The following MYRIP variants were observed in gnomAD, a reference collection of about 807,000 sequenced individuals.
MYRIP encodes rab effector MyRIP.
A neutral mutation model predicts 98.0 loss-of-function variants in MYRIP; 49 were observed. The ratio of observed to expected loss-of-function variants is 0.50; its 90% CI spans 0.40 to 0.63. The LOEUF (loss-of-function observed/expected upper bound fraction) is 0.63, where lower values mean the gene tolerates loss of function less well. Ranked by LOEUF, MYRIP falls within the 30% of genes least tolerant of loss-of-function variation. MYRIP has a pLI of 0.00. For missense variants in MYRIP, 1,004 were observed against 1,058.2 expected (o/e 0.95, Z 0.71); for synonymous variants, 404 against 409.5 (o/e 0.99, Z 0.16).
intron 3 of MYRIP, among the ~76,000 whole-genome samples, chr3:40,126,785 C>T (rs1193894601): frequency 6.6e-6 from 1 of 152,114 alleles, no homozygotes; most frequent in Non-Finnish European, 1.5e-5. Flanking sequence ...AATAATAATT[C>T]CTAAGAGTTG....
intron 3 of MYRIP, among the ~76,000 whole-genome samples, chr3:40,142,187 G>A (rs1221238243): frequency 6.6e-6 from 1 of 151,132 alleles, no homozygotes; most frequent in Non-Finnish European, 1.5e-5. Context: ...CAAGTAGCTA[G>A]GATTAAGGCG....
At chr3:40,200,955 C>T (rs1229752916) in intron 10 of MYRIP, among the ~76,000 whole-genome samples, 2 of 152,166 alleles carry the variant, frequency 1.3e-5, no homozygotes, top group East Asian at 1.9e-4. Flanking sequence ...GAAAGTGAAA[C>T]CCACTGTTAG....
chr3:40,034,182 A>G (rs1192828444), intron 2 of MYRIP, among the ~76,000 whole-genome samples: 1 of 151,796 alleles, frequency 6.6e-6, no homozygotes, highest in Non-Finnish European at 1.5e-5. Context: ...CATGTCTAAA[A>G]CACCAAAAGC....
At chr3:39,900,003 T>C (rs1465755784) in intron 1 of MYRIP, among the ~76,000 whole-genome samples, 1 of 152,158 alleles carries the variant, frequency 6.6e-6, no homozygotes, top group African/African-American at 2.4e-5. Context: ...GGATCTGTAG[T>C]AGAGACAGGG....
chr3:39,842,204 T>C (rs904007820), intron 1 of MYRIP, among the ~76,000 whole-genome samples: 15 of 152,180 alleles, frequency 9.9e-5, no homozygotes, highest in Admixed American at 7.2e-4. Context: ...GGCTTTGCTA[T>C]GCTGTGGTGG....
At chr3:39,935,939 GA>G (rs1270286145) in intron 2 of MYRIP, among the ~76,000 whole-genome samples, 1 of 148,280 alleles carries the variant, frequency 6.7e-6, no homozygotes, top group Admixed American at 6.6e-5. Context: ...CAAATCTTAT[GA>G]ATGACGTTTT....
At chr3:40,193,844 T>C (rs918816418) in intron 10 of MYRIP, among the ~76,000 whole-genome samples, 1 of 152,092 alleles carries the variant, frequency 6.6e-6, no homozygotes, top group Non-Finnish European at 1.5e-5. Flanking sequence ...TACACTTTTC[T>C]TCTTTCATCC....
At chr3:40,176,971 A>G (rs1314950921) in intron 8 of MYRIP, among the ~76,000 whole-genome samples, 2 of 151,414 alleles carry the variant, frequency 1.3e-5, no homozygotes, top group Admixed American at 1.3e-4. Flanking sequence ...ATGCCTGGGG[A>G]AAATGAAGTG....
At position 39,975,362 on chromosome 3, in the gene MYRIP, GGA is replaced by G. The variant is rs1459093977; in HGVS notation, c.111-68685_111-68684del. ...CAAGGGACGTGAAGGACCTCTTCAA[GGA>G]GAACTACAAACCACTGCTCAAGGAA... On this transcript the variant is annotated intron_variant, in intron 2 of 16. Coordinates refer to ENST00000302541, the MANE Select transcript of MYRIP (RefSeq NM_015460.4). 1.2e-4 allele frequency among the ~76,000 whole-genome samples: 19 copies of G among 152,030 alleles called. No individual in the cohort carries two copies. In the East Asian group the frequency reaches 2.9e-3, roughly 23 times the overall value.
intron 16 of MYRIP, among the ~76,000 whole-genome samples, chr3:40,256,412 TTAAA>T (rs991193612): frequency 2.0e-5 from 3 of 152,158 alleles, no homozygotes; most frequent in Admixed American, 1.3e-4. Context: ...ATTTATAATA[TTAAA>T]TATTTTGTTC....
intron 2 of MYRIP, among the ~76,000 whole-genome samples, chr3:40,005,715 GC>G (rs1382947135): frequency 6.6e-6 from 1 of 152,184 alleles, no homozygotes; most frequent in Non-Finnish European, 1.5e-5. Context: ...ACCATGTCAT[GC>G]CCGTCTTTTG....
intron 2 of MYRIP, among the ~76,000 whole-genome samples, chr3:39,959,916 C>T (rs1945279177): frequency 6.6e-6 from 1 of 152,042 alleles, no homozygotes; most frequent in Admixed American, 6.6e-5. Flanking sequence ...ACTTAGTGCC[C>T]CCCATGTGAG....
rs867209190 is a variant in MYRIP at position 39,958,630 on chromosome 3, A to G, written c.110+57704A>G. 2.6e-4 allele frequency among the ~76,000 whole-genome samples: 39 copies of G among 152,228 alleles called. 1 individual carries two copies. Among genetic ancestry groups the G allele is most frequent in the Admixed American group, 6.5e-5 (1 of 15,274 alleles). On this transcript the variant is annotated intron_variant, in intron 2 of 16. Transcript: ENST00000302541. ...GGACATAGGCATGGGCAAGGACTTC[A>G]TGTCTAAAACAACAAAATCAATGGC...
chr3:39,974,243 C>T (rs562097065), intron 2 of MYRIP, among the ~76,000 whole-genome samples: 1 of 152,118 alleles, frequency 6.6e-6, no homozygotes, highest in Non-Finnish European at 1.5e-5. Flanking sequence ...CATAGAAATA[C>T]AAACTACCAT....
intron 2 of MYRIP, among the ~76,000 whole-genome samples, chr3:39,966,878 A>G (rs551403017): frequency 5.3e-5 from 8 of 152,300 alleles, no homozygotes; most frequent in East Asian, 3.9e-4. Flanking sequence ...GGGCCCACCA[A>G]TGTGATCCCT....
At chr3:39,900,298 T>C (rs1575359952) in intron 1 of MYRIP, among the ~76,000 whole-genome samples, 2 of 152,150 alleles carry the variant, frequency 1.3e-5, no homozygotes, top group South Asian at 2.1e-4. Context: ...CATAGTCATA[T>C]GGTTAAAACT....
intron 8 of MYRIP, among the ~76,000 whole-genome samples, chr3:40,177,988 A>G (rs535808577): frequency 1.9e-4 from 29 of 152,258 alleles, no homozygotes; most frequent in Non-Finnish European, 3.2e-4. Flanking sequence ...TGTCATTGCT[A>G]TAATTATAGG....
rs768380883 is a variant in MYRIP, at chr3:40,244,500, G to C, written c.2155G>C (p.Glu719Gln). The part of the protein sequence containing the change: ...YGLETQLTEL[E>Q]DAARCIHSGT... ...ACTGGAGACCCAGCTGACTGAGCTA[G>C]AAGATGCCGCCCGCTGCATCCACAG... Residue 719 changes from glutamate (E) to glutamine (Q), a missense_variant, in exon 13 of 17, where the codon GAA becomes CAA. By Grantham distance (29) the Glu-to-Gln change is conservative. Around this residue, in one of 3 missense-constraint regions of MYRIP, gnomAD observed 880 missense variants for 907.7 expected, o/e 0.97. Transcript: ENST00000302541. The C allele has an allele frequency of 6.2e-7, 1 of 1,613,990 alleles. No homozygotes were observed. The highest frequency in any genetic ancestry group is 8.5e-7 in the Non-Finnish European group (1 of 1,179,912).
intron 2 of MYRIP, among the ~76,000 whole-genome samples, chr3:39,938,063 A>G (rs1944697444): frequency 6.6e-6 from 1 of 152,130 alleles, no homozygotes; most frequent in Non-Finnish European, 1.5e-5. Flanking sequence ...CTCCCATGAA[A>G]CTGAAACTGA....
Sources: gnomAD v4.1 joint callset for allele counts (sites outside exome capture counted in the v4.1 genomes callset) on GRCh38, gnomAD v4.1.1 for gene constraint, gnomAD v4.1.1 regional missense constraint, MANE v1.5 for transcripts, NCBI Gene and HGNC (gene_info 2026-07-23, HGNC 2026-07-21) for gene names.